The following MORC1 variants were observed in gnomAD, a reference collection of about 807,000 sequenced individuals.
The protein encoded by MORC1 is MORC family CW-type zinc finger 1, also known as MORC family CW-type zinc finger protein 1.
MORC1 carries 59 observed loss-of-function variants against 134.9 expected under a neutral mutation model. The observed-to-expected ratio is 0.44, with a 90% CI of 0.35 to 0.54. MORC1 has a LOEUF of 0.54. Among genes scored for constraint, MORC1 ranks in the 20% least tolerant of loss-of-function variants. The pLI, the probability that MORC1 is intolerant of heterozygous loss-of-function variation, is 0.00. For synonymous variants in MORC1, 395 were observed against 391.7 expected, an observed-to-expected ratio of 1.01 and a Z score of -0.10; for missense variants, 947 against 1,134.5, an observed-to-expected ratio of 0.83 and a Z score of 2.37.
chr3:109,050,229 G>A (rs564045371), intron 14 of MORC1, among the ~76,000 whole-genome samples: 96 of 152,254 alleles, frequency 6.3e-4, no homozygotes, highest in Middle Eastern at 3.4e-3. Context: ...TTGTCAAATC[G>A]TGTTAGCCTG....
At chr3:109,094,792 G>C in intron 7 of MORC1, 117 bp downstream of exon 7, 1 of 953,320 alleles carries the variant, frequency 1.0e-6, no homozygotes, top group South Asian at 2.3e-5. Context: ...ACTGTCCCCA[G>C]TGTGAATCCA....
intron 8 of MORC1, among the ~76,000 whole-genome samples, chr3:109,090,332 T>C (rs1950691727): frequency 6.6e-6 from 1 of 152,010 alleles, no homozygotes; most frequent in African/African-American, 2.4e-5. Context: ...AAAACTGTTG[T>C]CAAAGCCGGG....
chr3:108,963,497 A>G lies in MORC1; in HGVS notation c.2716T>C (p.Cys906Arg), dbSNP rs747979329. The G allele has an allele frequency of 7.4e-6, 12 of 1,612,198 alleles. No homozygotes were observed. The South Asian group carries it at 1.3e-4, about 18-fold the overall frequency. Residue 906 changes from cysteine to arginine, a missense_variant, in exon 27 of 28, where the codon TGT becomes CGT. Cys to Arg is a radical substitution (Grantham distance 180). Around this residue, in one of 3 missense-constraint regions of MORC1, gnomAD observed 722 missense variants for 817.0 expected, o/e 0.88. Transcript: ENST00000232603. ...GIHNEISLGQCENKRKISEDK... is the reference protein window; with the variant it reads ...GIHNEISLGQRENKRKISEDK... ...TCAGAGATTTTTCTTTTATTTTCAC[A>G]TTGCCCCAGAGAGATTTCATTATGT...
At chr3:108,970,089 G>C (rs1454145187) in intron 25 of MORC1, among the ~76,000 whole-genome samples, 2 of 151,990 alleles carry the variant, frequency 1.3e-5, no homozygotes, top group African/African-American at 2.4e-5. Context: ...AAACAGATGG[G>C]GAAGTCACTG....
At chr3:109,040,604 T>G (rs1576666538) in intron 14 of MORC1, among the ~76,000 whole-genome samples, 1 of 151,140 alleles carries the variant, frequency 6.6e-6, no homozygotes, top group Admixed American at 6.6e-5. Flanking sequence ...CTGAGGCAGG[T>G]GGATTACCTG....
intron 11 of MORC1, among the ~76,000 whole-genome samples, chr3:109,060,810 C>T (rs149988562): frequency 6.6e-6 from 1 of 152,176 alleles, no homozygotes; most frequent in African/African-American, 2.4e-5. Context: ...AGAACAGAGG[C>T]AGGGAGAAGA....
intron 8 of MORC1, among the ~76,000 whole-genome samples, chr3:109,079,510 A>T (rs1434143232): frequency 2.0e-5 from 3 of 152,128 alleles, no homozygotes; most frequent in Non-Finnish European, 4.4e-5. Flanking sequence ...ACATTTCTCA[A>T]TTTCACAAAA....
At chr3:109,021,971 T>C (rs1413392635) in intron 17 of MORC1, among the ~76,000 whole-genome samples, 1 of 152,240 alleles carries the variant, frequency 6.6e-6, no homozygotes, top group Non-Finnish European at 1.5e-5. Context: ...ATGTCTCATT[T>C]GGTATGCCAT....
chr3:108,992,476 C>T (rs954144308), intron 21 of MORC1, among the ~76,000 whole-genome samples: 3 of 152,130 alleles, frequency 2.0e-5, no homozygotes, highest in African/African-American at 7.2e-5. Context: ...GTCATCAAGT[C>T]AAGCATTTTA....
At chr3:108,973,491 G>A (rs1239488880) in intron 24 of MORC1, among the ~76,000 whole-genome samples, 1 of 151,888 alleles carries the variant, frequency 6.6e-6, no homozygotes, top group Non-Finnish European at 1.5e-5. Flanking sequence ...ATACACCAGA[G>A]AATTTTGTAT....
At chr3:108,990,440 T>C (rs1398236989) in intron 21 of MORC1, among the ~76,000 whole-genome samples, 1 of 152,130 alleles carries the variant, frequency 6.6e-6, no homozygotes, top group Non-Finnish European at 1.5e-5. Flanking sequence ...CTTGTTGTTT[T>C]ATAGACTTGT....
At chr3:109,095,532 C>A (rs1007944614) in intron 6 of MORC1, among the ~76,000 whole-genome samples, 3 of 152,106 alleles carry the variant, frequency 2.0e-5, no homozygotes, top group African/African-American at 7.2e-5. Context: ...GCATTTAGAT[C>A]CCCATCAGCA....
chr3:109,086,317 T>C (rs1172821471), intron 8 of MORC1, among the ~76,000 whole-genome samples: 1 of 152,066 alleles, frequency 6.6e-6, no homozygotes, highest in Non-Finnish European at 1.5e-5. Flanking sequence ...CTTTACAAAT[T>C]ATATGAATGT....
At chr3:108,997,178 T>A (rs777744790) in intron 21 of MORC1, among the ~76,000 whole-genome samples, 2 of 151,812 alleles carry the variant, frequency 1.3e-5, no homozygotes, top group Non-Finnish European at 2.9e-5. Flanking sequence ...TTAGAAATGA[T>A]CAGAAAATAA....
intron 1 of MORC1, among the ~76,000 whole-genome samples, chr3:109,117,331 C>CAAAAAAAAAAAAAAA (rs202128565): frequency 8.8e-6 from 1 of 113,642 alleles, no homozygotes; most frequent in Non-Finnish European, 1.8e-5. Context: ...CAAAAGATGT[C>CAAAAAAAAAAAAAAA]AAAAAAAAAA....
At chr3:108,974,387 C>T (rs957762622) in intron 24 of MORC1, among the ~76,000 whole-genome samples, 25 of 152,152 alleles carry the variant, frequency 1.6e-4, no homozygotes, top group African/African-American at 6.0e-4. Flanking sequence ...GTTTTATTGT[C>T]TTGAGTCCCT....
chr3:108,958,705 T>C lies in MORC1; in HGVS notation c.*260A>G, dbSNP rs1013139592. On this transcript the variant is annotated 3_prime_UTR_variant, in exon 28 of 28. Coordinates refer to ENST00000232603, the MANE Select transcript of MORC1 (RefSeq NM_014429.4). ...TTTTCATTTTTTTCAGTAGCTCACATGAAAATTAGAGAACTCTAGATATTA... is the reference window on the plus strand; with the variant it reads ...TTTTCATTTTTTTCAGTAGCTCACACGAAAATTAGAGAACTCTAGATATTA... 3 of 187,864 alleles carry C rather than the reference T, an allele frequency of 1.6e-5. No individual in the cohort carries two copies. The highest frequency in any genetic ancestry group is 1.2e-4 in the East Asian group (1 of 8,308). 11.6% of individuals were successfully genotyped at this position (187,864 alleles called of 1,614,324 possible).
intron 8 of MORC1, among the ~76,000 whole-genome samples, chr3:109,081,025 C>T (rs991844769): frequency 2.0e-5 from 3 of 152,086 alleles, no homozygotes; most frequent in African/African-American, 7.2e-5. Flanking sequence ...TCCATGTACA[C>T]ACACTTTGCA....
chr3:108,975,549 T>C (rs1040048644), intron 24 of MORC1, among the ~76,000 whole-genome samples: 4 of 152,120 alleles, frequency 2.6e-5, no homozygotes, highest in Admixed American at 2.6e-4. Context: ...TGAGGTCAGA[T>C]TGCCAGGGTT....
Sources: gnomAD v4.1 joint callset for allele counts (sites outside exome capture counted in the v4.1 genomes callset) on GRCh38, gnomAD v4.1.1 for gene constraint, gnomAD v4.1.1 regional missense constraint, MANE v1.5 for transcripts, NCBI Gene and HGNC (gene_info 2026-07-23, HGNC 2026-07-21) for gene names.